The following TP63 variants were observed in gnomAD, a reference collection of about 807,000 sequenced individuals.
The protein encoded by TP63 is tumor protein 63.
Under a neutral mutation model 82.8 loss-of-function variants are expected in TP63, and 17 were observed. That is an observed-to-expected ratio of 0.21 (90% CI 0.14 to 0.31). The LOEUF (loss-of-function observed/expected upper bound fraction) is 0.31, where lower values mean the gene tolerates loss of function less well. TP63 is among the 10% of genes least tolerant of loss of function. The pLI is 1.00. For missense variants in TP63, 648 were observed against 895.3 expected (o/e 0.72, Z 3.52); for synonymous variants, 330 against 321.7 (o/e 1.03, Z -0.28).
rs1463084842 is a variant in TP63, at chr3:189,857,698, G to T, written c.580-6534G>T. On this transcript the variant is annotated intron_variant, in intron 4 of 13. Transcript: ENST00000264731. ...CGCCAAAATAACCCAATTAAAAAAT[G>T]GCCAAAAGACCGGAATGGATATTTG... is the stretch of plus-strand genomic sequence containing the variant. Among the ~76,000 whole-genome samples, 3 of 152,028 alleles carry T rather than the reference G, an allele frequency of 2.0e-5. No individual in the cohort carries two copies. The East Asian group carries it at 5.8e-4, about 29-fold the overall frequency.
intron 4 of TP63, among the ~76,000 whole-genome samples, chr3:189,833,504 G>A (rs1490879999): frequency 6.6e-6 from 1 of 152,170 alleles, no homozygotes; most frequent in African/African-American, 2.4e-5. Flanking sequence ...GGACTTATAT[G>A]TATTTTCATG....
chr3:189,693,629 G>C (rs1044261738), intron 1 of TP63, among the ~76,000 whole-genome samples: 2 of 152,132 alleles, frequency 1.3e-5, no homozygotes, highest in African/African-American at 4.8e-5. Context: ...ACTCTAAAAG[G>C]TAAGAAAATT....
intron 1 of TP63, among the ~76,000 whole-genome samples, chr3:189,713,003 A>G (rs1054108705): frequency 6.6e-6 from 1 of 152,150 alleles, no homozygotes; most frequent in Non-Finnish European, 1.5e-5. Context: ...CTATTGCCAC[A>G]TCTTAAACCT....
chr3:189,835,908 C>T (rs1397035424), intron 4 of TP63, among the ~76,000 whole-genome samples: 2 of 141,872 alleles, frequency 1.4e-5, no homozygotes, highest in Admixed American at 7.4e-5. Flanking sequence ...TGCGAGACTC[C>T]ATCTCAAAAT....
chr3:189,798,737 C>A (rs753532878), intron 3 of TP63, among the ~76,000 whole-genome samples: 6 of 152,054 alleles, frequency 3.9e-5, no homozygotes, highest in African/African-American at 7.2e-5. Context: ...AGCAATTTTT[C>A]TCTTAAACGT....
At chr3:189,772,375 A>G (rs1346610909) in intron 3 of TP63, among the ~76,000 whole-genome samples, 1 of 152,222 alleles carries the variant, frequency 6.6e-6, no homozygotes, top group Non-Finnish European at 1.5e-5. Context: ...TCTAGAATCC[A>G]GGTCTCCTAA....
chr3:189,663,230 G>A (rs1475617398), intron 1 of TP63, among the ~76,000 whole-genome samples: 1 of 151,976 alleles, frequency 6.6e-6, no homozygotes, highest in East Asian at 1.9e-4. Context: ...ATTGAGTTCT[G>A]TACAATAGTG....
rs147928702 is a variant in TP63 at position 189,676,544 on chromosome 3, G to A, written c.62+44967G>A. On this transcript the variant is annotated intron_variant, in intron 1 of 13. Transcript: ENST00000264731. ...GTATTTGTATTATATAGAATATATC[G>A]TGTGTGTGTGCATGTGTGTATGTGT... 2.5e-3 allele frequency among the ~76,000 whole-genome samples: 385 copies of A among 151,730 alleles called. 13 individuals carry two copies. The East Asian group carries it at 0.057, about 22-fold the overall frequency.
At chr3:189,753,181 T>A (rs999415493) in intron 3 of TP63, among the ~76,000 whole-genome samples, 1 of 152,118 alleles carries the variant, frequency 6.6e-6, no homozygotes, top group African/African-American at 2.4e-5. Context: ...ATTGTGCAGT[T>A]CTTTTATATC....
rs200864889 is a variant in TP63, at chr3:189,875,904, T to TA, written c.1349+2913dup. 5.9e-5 allele frequency among the ~76,000 whole-genome samples: 9 copies of TA among 152,014 alleles called. No homozygotes were observed. In the East Asian group the frequency reaches 1.4e-3, roughly 23 times the overall value. ...AAAGTGAGGCATGCCCATCCAGATA[T>TA]AAAATGTAGTTAACGACACAACCTC... On this transcript the variant is annotated intron_variant, in intron 10 of 13. Coordinates refer to ENST00000264731, the MANE Select transcript of TP63 (RefSeq NM_003722.5).
intron 4 of TP63, among the ~76,000 whole-genome samples, chr3:189,849,933 T>A (rs1474097496): frequency 6.6e-6 from 1 of 152,150 alleles, no homozygotes; most frequent in Non-Finnish European, 1.5e-5. Flanking sequence ...CTGTAACAAG[T>A]TTACAGGTTG....
intron 4 of TP63, among the ~76,000 whole-genome samples, chr3:189,841,904 G>T (rs1237281889): frequency 2.0e-5 from 3 of 152,156 alleles, no homozygotes; most frequent in Non-Finnish European, 2.9e-5. Context: ...TCTTGGACCA[G>T]GGGGTAAAAC....
chr3:189,859,835 C>T (rs185311971), intron 4 of TP63, among the ~76,000 whole-genome samples: 6 of 152,194 alleles, frequency 3.9e-5, no homozygotes, highest in East Asian at 3.9e-4. Flanking sequence ...AATGCTGATA[C>T]GTGCAAAAAC....
rs1247666475 is a variant in TP63, at chr3:189,896,938, C to T, written c.*2436C>T. The T allele has an allele frequency of 4.4e-6, 1 of 225,246 alleles. No homozygotes were observed. Among genetic ancestry groups the T allele is most frequent in the Non-Finnish European group, 8.8e-6 (1 of 113,166 alleles). The allele number at this position is 225,246 out of a possible 1,614,324, so 14.0% of individuals were successfully genotyped here. A position where few individuals can be genotyped will look rare whatever the true frequency, so the allele number is the denominator to read the frequency against. On this transcript the variant is annotated 3_prime_UTR_variant, in exon 14 of 14. Coordinates refer to ENST00000264731, the MANE Select transcript of TP63 (RefSeq NM_003722.5). Reference sequence around the variant, plus strand: ...GTTTTTGTTTGGAGACGTTTATAAACAGAAATGGAAAGCAGAGTTTTCATT... The same window carrying T: ...GTTTTTGTTTGGAGACGTTTATAAATAGAAATGGAAAGCAGAGTTTTCATT...
intron 1 of TP63, among the ~76,000 whole-genome samples, chr3:189,697,463 C>T (rs1050302319): frequency 5.9e-5 from 9 of 151,844 alleles, no homozygotes; most frequent in African/African-American, 2.2e-4. Context: ...TACAGTATGT[C>T]TTGAAACCAG....
At chr3:189,672,430 G>A (rs756260555) in intron 1 of TP63, among the ~76,000 whole-genome samples, 3 of 151,902 alleles carry the variant, frequency 2.0e-5, no homozygotes, top group Non-Finnish European at 4.4e-5. Context: ...GAGAGACTTT[G>A]TCTCTACAAA....
intron 1 of TP63, among the ~76,000 whole-genome samples, chr3:189,644,374 G>T (rs762740817): frequency 2.0e-5 from 3 of 151,750 alleles, no homozygotes; most frequent in South Asian, 2.1e-4. Context: ...TTCAAAGTTT[G>T]TCTTAATTTC....
chr3:189,604,895 C>G, the TP63 span, among the ~76,000 whole-genome samples: 2 of 152,098 alleles, frequency 1.3e-5, no homozygotes, highest in Non-Finnish European at 2.9e-5. Flanking sequence ...TACCTAAGGA[C>G]CAAAGAGAAT....
intron 5 of TP63, among the ~76,000 whole-genome samples, chr3:189,864,733 A>G (rs1717484294): frequency 6.6e-6 from 1 of 151,876 alleles, no homozygotes; most frequent in African/African-American, 2.4e-5. Flanking sequence ...GAGGCTGGGT[A>G]CGGTGGCTCA....
Sources: gnomAD v4.1 joint callset for allele counts (sites outside exome capture counted in the v4.1 genomes callset) on GRCh38, gnomAD v4.1.1 for gene constraint, MANE v1.5 for transcripts, NCBI Gene and HGNC (gene_info 2026-07-23, HGNC 2026-07-21) for gene names.